Variants in SHISA9 observed in about 807,000 individuals in gnomAD.
SHISA9 encodes the protein protein shisa-9.
SHISA9 carries 13 observed loss-of-function variants against 38.0 expected under a neutral mutation model. The ratio of observed to expected loss-of-function variants is 0.34; its 90% CI spans 0.22 to 0.54. SHISA9 has a LOEUF of 0.54. Ranked by LOEUF, SHISA9 falls within the 20% of genes least tolerant of loss-of-function variation. The pLI, the probability that SHISA9 is intolerant of heterozygous loss-of-function variation, is 0.91. For missense variants in SHISA9, 538 were observed against 575.8 expected (o/e 0.93, Z 0.67); for synonymous variants, 275 against 242.0 (o/e 1.14, Z -1.27).
intron 2 of SHISA9, among the ~76,000 whole-genome samples, chr16:13,061,505 A>G (rs961841341): frequency 1.3e-5 from 2 of 152,208 alleles, no homozygotes; most frequent in African/African-American, 4.8e-5. Context: ...TGTCCGGATT[A>G]AAGGGAACTT....
intron 2 of SHISA9, among the ~76,000 whole-genome samples, chr16:13,133,264 T>A (rs1596671015): frequency 6.6e-6 from 1 of 152,360 alleles, no homozygotes; most frequent in East Asian, 1.9e-4. Context: ...TGTGCAAATG[T>A]TGAAATTCCT....
At chr16:13,030,799 A>G (rs1042308414) in intron 2 of SHISA9, among the ~76,000 whole-genome samples, 1 of 152,214 alleles carries the variant, frequency 6.6e-6, no homozygotes, top group Admixed American at 6.5e-5. Context: ...TGGGCAGTCA[A>G]ATTCTACAAA....
At chr16:13,422,793 C>G in the SHISA9 span, among the ~76,000 whole-genome samples, 1 of 152,180 alleles carries the variant, frequency 6.6e-6, no homozygotes, top group Non-Finnish European at 1.5e-5. Context: ...GAATGTTGAT[C>G]CTGTAATTTT....
intron 2 of SHISA9, among the ~76,000 whole-genome samples, chr16:12,957,499 G>A (rs1399106105): frequency 1.3e-5 from 2 of 152,088 alleles, no homozygotes; most frequent in Non-Finnish European, 1.5e-5. Flanking sequence ...GGAGCAGAGA[G>A]GGAAGTAACC....
rs1254657079 is a variant in SHISA9 at position 12,901,944 on chromosome 16, G to GT, written c.-120dup. On this transcript the variant is annotated 5_prime_UTR_variant, in exon 1 of 5. Transcript: ENST00000558583. ...GAGCGCCCCGCGCCGCTCCCTGCATGTGCGGCCCGCGGCGGCTCGCAGCTC... is the reference window on the plus strand; with the variant it reads ...GAGCGCCCCGCGCCGCTCCCTGCATGTTGCGGCCCGCGGCGGCTCGCAGCTC... The GT allele has an allele frequency of 1.3e-6, 1 of 784,320 alleles. No individual in the cohort carries two copies. The highest frequency in any genetic ancestry group is 1.9e-5 in the African/African-American group (1 of 53,866). 48.6% of individuals were successfully genotyped at this position (784,320 alleles called of 1,614,324 possible).
At chr16:13,466,396 A>G in the SHISA9 span, among the ~76,000 whole-genome samples, 3 of 152,218 alleles carry the variant, frequency 2.0e-5, no homozygotes, top group African/African-American at 7.2e-5. Flanking sequence ...TAAAATTACC[A>G]TGCCCTGTGA....
chr16:13,122,522 A>G (rs1490624601), intron 2 of SHISA9, among the ~76,000 whole-genome samples: 4 of 152,186 alleles, frequency 2.6e-5, no homozygotes. Flanking sequence ...ACAGGTTGCA[A>G]AAGAAATAGG....
At chr16:13,502,561 A>G in the SHISA9 span, among the ~76,000 whole-genome samples, 2 of 152,122 alleles carry the variant, frequency 1.3e-5, no homozygotes, top group Admixed American at 1.3e-4. Context: ...GGTCTTTACC[A>G]TTGCGGTATT....
chr16:13,372,301 G>A, the SHISA9 span, among the ~76,000 whole-genome samples: 2 of 152,198 alleles, frequency 1.3e-5, no homozygotes, highest in African/African-American at 4.8e-5. Context: ...ATAACAAGGT[G>A]CTGGGTGCTG....
the SHISA9 span, among the ~76,000 whole-genome samples, chr16:13,339,320 C>T: frequency 2.6e-5 from 4 of 152,086 alleles, no homozygotes; most frequent in South Asian, 2.1e-4. Flanking sequence ...ATGCAAGAAG[C>T]ACTGAAATGG....
the SHISA9 span, among the ~76,000 whole-genome samples, chr16:13,478,324 C>G: frequency 6.6e-6 from 1 of 152,144 alleles, no homozygotes; most frequent in African/African-American, 2.4e-5. Flanking sequence ...ATGGAATTGT[C>G]TGGAATCTTA....
chr16:13,402,718 C>T, the SHISA9 span, among the ~76,000 whole-genome samples: 1 of 152,166 alleles, frequency 6.6e-6, no homozygotes, highest in Non-Finnish European at 1.5e-5. Context: ...CACCATCACA[C>T]CCCGCTAGAC....
the SHISA9 span, among the ~76,000 whole-genome samples, chr16:13,302,028 T>C: frequency 1.3e-5 from 2 of 152,136 alleles, no homozygotes; most frequent in African/African-American, 4.8e-5. Flanking sequence ...GGGTACACAC[T>C]GATTTTAAAG....
At chr16:13,255,908 G>A in the SHISA9 span, among the ~76,000 whole-genome samples, 1 of 152,166 alleles carries the variant, frequency 6.6e-6, no homozygotes, top group Non-Finnish European at 1.5e-5. Flanking sequence ...TCTCCATACT[G>A]CAGCCAGAAT....
At chr16:13,300,534 G>A in the SHISA9 span, among the ~76,000 whole-genome samples, 19 of 152,222 alleles carry the variant, frequency 1.2e-4, no homozygotes, top group Middle Eastern at 3.4e-3. Flanking sequence ...GGAATTGGAG[G>A]CCCTTTATGA....
chr16:12,915,826 A>G (rs1188612873), intron 1 of SHISA9, among the ~76,000 whole-genome samples: 7 of 152,360 alleles, frequency 4.6e-5, no homozygotes, highest in African/African-American at 1.7e-4. Flanking sequence ...ACACACACAT[A>G]TACAACAATA....
At chr16:13,322,302 C>T in the SHISA9 span, among the ~76,000 whole-genome samples, 154 of 152,320 alleles carry the variant, frequency 1.0e-3, no homozygotes, top group African/African-American at 2.6e-3. Context: ...AAATCTACAG[C>T]CTTTCCCTAA....
the SHISA9 span, among the ~76,000 whole-genome samples, chr16:13,257,033 T>C: frequency 5.3e-5 from 8 of 152,224 alleles, no homozygotes; most frequent in Non-Finnish European, 1.2e-4. Context: ...GAACTCCAAC[T>C]TTAGAAATTA....
chr16:13,146,139 G>A (rs758795187), intron 2 of SHISA9, among the ~76,000 whole-genome samples: 25 of 152,300 alleles, frequency 1.6e-4, no homozygotes, highest in Non-Finnish European at 2.6e-4. Context: ...GCAGTGAGCC[G>A]AGATTGCACC....
Sources: allele counts gnomAD v4.1 joint callset (sites outside exome capture counted in the v4.1 genomes callset), GRCh38; gene constraint gnomAD v4.1.1; transcripts MANE v1.5; gene names NCBI Gene and HGNC (gene_info 2026-07-23, HGNC 2026-07-21).